GALNTL6: variants seen among roughly 807,000 people sequenced by gnomAD.
The protein encoded by GALNTL6 is polypeptide N-acetylgalactosaminyltransferase like 6.
Under a neutral mutation model 73.7 loss-of-function variants are expected in GALNTL6, and 46 were observed. That is an observed-to-expected ratio of 0.62 (90% CI 0.49 to 0.80). The LOEUF is 0.80. Among genes scored for constraint, GALNTL6 ranks in the 30% least tolerant of loss-of-function variants. The probability of loss-of-function intolerance (pLI) is 0.00; values close to 1 mark genes in which losing one functional copy is unlikely to be tolerated. For missense variants in GALNTL6, 604 were observed against 755.0 expected, an observed-to-expected ratio of 0.80 and a Z score of 2.34; for synonymous variants, 259 against 263.7, an observed-to-expected ratio of 0.98 and a Z score of 0.17.
At chr4:172,741,661 A>G (rs147378453) in intron 5 of GALNTL6, among the ~76,000 whole-genome samples, 166 of 152,030 alleles carry the variant, frequency 1.1e-3, no homozygotes, top group African/African-American at 3.9e-3. Flanking sequence ...TATTATATAG[A>G]AGAATATATA....
At chr4:172,462,247 G>T (rs1732646288) in intron 5 of GALNTL6, among the ~76,000 whole-genome samples, 1 of 152,076 alleles carries the variant, frequency 6.6e-6, no homozygotes, top group Admixed American at 6.6e-5. Flanking sequence ...CTAATTCCCT[G>T]TTATCTATAT....
chr4:171,816,261 A>G (rs1734521673), intron 2 of GALNTL6: 1 of 152,128 alleles, frequency 6.6e-6, no homozygotes, highest in African/African-American at 2.4e-5. Context: ...TGGTATAGCT[A>G]ACATAAAGCG....
intron 2 of GALNTL6, among the ~76,000 whole-genome samples, chr4:171,823,106 C>G (rs1265266249): frequency 1.3e-5 from 2 of 152,128 alleles, no homozygotes; most frequent in African/African-American, 2.4e-5. Flanking sequence ...TTCAAGATGT[C>G]ATTAGGCTTG....
intron 2 of GALNTL6, among the ~76,000 whole-genome samples, chr4:171,853,012 ATTTTT>A (rs765984611): frequency 4.6e-5 from 4 of 86,870 alleles, no homozygotes; most frequent in African/African-American, 1.9e-4. Context: ...CGCCCGGCTA[ATTTTT>A]TTTTTTTTTT....
chr4:172,900,463 G>A (rs1240358413), intron 8 of GALNTL6, among the ~76,000 whole-genome samples: 4 of 152,106 alleles, frequency 2.6e-5, no homozygotes, highest in African/African-American at 9.7e-5. Context: ...CTCATTAAGA[G>A]TAGTCTCTTC....
chr4:172,152,492 T>C (rs1351909587), intron 2 of GALNTL6, among the ~76,000 whole-genome samples: 5 of 152,252 alleles, frequency 3.3e-5, no homozygotes, highest in Admixed American at 3.3e-4. Context: ...TGGAGACAAC[T>C]GCATTCATGA....
chr4:172,107,608 T>C (rs554499312), intron 2 of GALNTL6, among the ~76,000 whole-genome samples: 2 of 136,488 alleles, frequency 1.5e-5, no homozygotes, highest in East Asian at 4.5e-4. Context: ...TTCTCACTCA[T>C]AGGTGGGAAT....
At chr4:172,922,396 C>T (rs997292517) in intron 8 of GALNTL6, among the ~76,000 whole-genome samples, 8 of 151,948 alleles carry the variant, frequency 5.3e-5, no homozygotes, top group African/African-American at 1.7e-4. Flanking sequence ...GAATTTAATA[C>T]CTGCCACAAC....
Position 172,570,522 on chromosome 4 carries a change from A to G in GALNTL6, c.553+221833A>G, listed in dbSNP as rs182605074. Among the ~76,000 whole-genome samples, 302 of 152,298 alleles carry G rather than the reference A, an allele frequency of 2.0e-3. 3 individuals are homozygous for G. Among genetic ancestry groups the G allele is most frequent in the Non-Finnish European group, 1.3e-3 (88 of 68,024 alleles). The stretch of plus-strand genomic sequence containing the variant: ...CTGTAAGCTAAGGAGAGAGTTCTTC[A>G]GAAGAAACCAGACATCCCAACACTT... On this transcript the variant is annotated intron_variant, in intron 5 of 12. Coordinates refer to ENST00000506823, the MANE Select transcript of GALNTL6 (RefSeq NM_001034845.3).
chr4:171,820,701 A>C (rs1242300868), intron 2 of GALNTL6, among the ~76,000 whole-genome samples: 1 of 152,200 alleles, frequency 6.6e-6, no homozygotes, highest in Non-Finnish European at 1.5e-5. Context: ...TGTGAAACTC[A>C]CAATGAGGAT....
chr4:171,870,037 T>C (rs1314585465), intron 2 of GALNTL6, among the ~76,000 whole-genome samples: 1 of 152,206 alleles, frequency 6.6e-6, no homozygotes, highest in Non-Finnish European at 1.5e-5. Context: ...TTAATAAGTA[T>C]TTGTTGAATA....
intron 2 of GALNTL6, among the ~76,000 whole-genome samples, chr4:171,875,554 A>G (rs1296301154): frequency 6.6e-6 from 1 of 151,972 alleles, no homozygotes; most frequent in Non-Finnish European, 1.5e-5. Flanking sequence ...GTTGCTCATT[A>G]CCACCACCCC....
intron 2 of GALNTL6, among the ~76,000 whole-genome samples, chr4:172,136,708 C>CTTGCATATAATTATGCACAG (rs1421426511): frequency 3.3e-5 from 5 of 151,624 alleles, no homozygotes; most frequent in Non-Finnish European, 7.4e-5. Flanking sequence ...ATATAGAATA[C>CTTGCATATAATTATGCACAG]TTGCATATAA....
intron 5 of GALNTL6, among the ~76,000 whole-genome samples, chr4:172,638,952 A>C (rs1202634502): frequency 6.6e-6 from 1 of 152,072 alleles, no homozygotes; most frequent in Non-Finnish European, 1.5e-5. Context: ...GATTAAAATC[A>C]AGTTGTGCAT....
At chr4:172,139,002 C>T (rs1402178258) in intron 2 of GALNTL6, among the ~76,000 whole-genome samples, 4 of 151,688 alleles carry the variant, frequency 2.6e-5, no homozygotes, top group Admixed American at 6.6e-5. Flanking sequence ...TGTATATAAC[C>T]GAAGAGATAG....
chr4:172,342,745 CTA>C (rs1741612410), intron 4 of GALNTL6, among the ~76,000 whole-genome samples: 1 of 152,114 alleles, frequency 6.6e-6, no homozygotes, highest in Admixed American at 6.6e-5. Context: ...AGGCAGAAGA[CTA>C]AAATGATTGA....
At position 171,825,871 on chromosome 4, in the gene GALNTL6, C is replaced by T. The variant is rs192525395; in HGVS notation, c.138+11153C>T. ...CATTCTGTTGAACATCACCGTGTTT[C>T]CAACTATTAGAATGTGTGTGATGTG... On this transcript the variant is annotated intron_variant, in intron 2 of 12. Coordinates refer to ENST00000506823, the MANE Select transcript of GALNTL6 (RefSeq NM_001034845.3). Among the ~76,000 whole-genome samples the T allele has an allele frequency of 9.8e-3, 1,488 of 152,250 alleles. 14 individuals carry two copies. The highest frequency in any genetic ancestry group is 0.014 in the Non-Finnish European group (919 of 68,016).
intron 2 of GALNTL6, among the ~76,000 whole-genome samples, chr4:171,970,836 ATAACT>A (rs968924885): frequency 3.3e-5 from 5 of 152,350 alleles, no homozygotes; most frequent in Non-Finnish European, 5.9e-5. Context: ...AATTTACAAA[ATAACT>A]TATTTTAAAA....
At chr4:171,875,051 A>G (rs1736236982) in intron 2 of GALNTL6, among the ~76,000 whole-genome samples, 1 of 152,240 alleles carries the variant, frequency 6.6e-6, no homozygotes, top group South Asian at 2.1e-4. Context: ...TACATAGAAC[A>G]GTAGATGGGT....
Sources: allele counts gnomAD v4.1 joint callset (sites outside exome capture counted in the v4.1 genomes callset), GRCh38; gene constraint gnomAD v4.1.1; transcripts MANE v1.5; gene names NCBI Gene and HGNC (gene_info 2026-07-23, HGNC 2026-07-21).